The following EXOC6B variants were observed in gnomAD, a reference collection of about 807,000 sequenced individuals.
The protein encoded by EXOC6B is SEC15 homolog B.
Under a neutral mutation model 113.5 loss-of-function variants are expected in EXOC6B, and 54 were observed. The observed-to-expected ratio is 0.48, with a 90% CI of 0.38 to 0.60. The LOEUF (loss-of-function observed/expected upper bound fraction) is 0.60. Among genes scored for constraint, EXOC6B ranks in the 20% least tolerant of loss-of-function variants. The pLI is 0.00. For synonymous variants in EXOC6B, 357 were observed against 339.0 expected (o/e 1.05, Z -0.58); for missense variants, 797 against 977.5 (o/e 0.82, Z 2.46).
intron 16 of EXOC6B, among the ~76,000 whole-genome samples, chr2:72,487,357 G>C (rs1192135984): frequency 6.6e-6 from 1 of 151,414 alleles, no homozygotes; most frequent in Non-Finnish European, 1.5e-5. Context: ...GTTTTGTTTT[G>C]TTTTGTTTTT....
At chr2:72,540,288 T>C (rs1702527201) in intron 8 of EXOC6B, among the ~76,000 whole-genome samples, 1 of 152,114 alleles carries the variant, frequency 6.6e-6, no homozygotes, top group Non-Finnish European at 1.5e-5. Context: ...CAGCATGATT[T>C]ATAGTCCTTT....
chr2:72,342,433 G>A (rs1689083943), intron 19 of EXOC6B, among the ~76,000 whole-genome samples: 1 of 152,046 alleles, frequency 6.6e-6, no homozygotes, highest in South Asian at 2.1e-4. Context: ...ATATGAAATA[G>A]TGCGCAAAAT....
intron 19 of EXOC6B, chr2:72,354,186 A>T (rs1049039281): frequency 1.3e-5 from 2 of 152,216 alleles, no homozygotes; most frequent in Admixed American, 1.3e-4. Flanking sequence ...GCCACTGTCC[A>T]TAGTTAGAGA....
At chr2:72,643,959 G>C (rs1363202865) in intron 6 of EXOC6B, among the ~76,000 whole-genome samples, 1 of 152,058 alleles carries the variant, frequency 6.6e-6, no homozygotes, top group Non-Finnish European at 1.5e-5. Flanking sequence ...TTGACAAGCT[G>C]ACAGAAGTAG....
chr2:72,823,478 ACAAAAAAC>A lies in EXOC6B; in HGVS notation c.113+2312_113+2319del, dbSNP rs781094161. Among the ~76,000 whole-genome samples the A allele has an allele frequency of 1.4e-3, 154 of 107,324 alleles. 17 individuals are homozygous for A. Among genetic ancestry groups the A allele is most frequent in the Middle Eastern group, 5.1e-3 (1 of 198 alleles). 70.4% of individuals were successfully genotyped at this position (107,324 alleles called of 152,430 possible). A position where few individuals can be genotyped will look rare whatever the true frequency, so the allele number is the denominator to read the frequency against. ...TTTTAAGAAAAAAAAAAAAAAAAAA[ACAAAAAAC>A]AAAAAAAAAGACAGTGGCCAGGCAC... On this transcript the variant is annotated intron_variant, in intron 1 of 21. Coordinates refer to ENST00000272427, the MANE Select transcript of EXOC6B (RefSeq NM_015189.3).
At chr2:72,788,413 T>C (rs1173887317) in intron 1 of EXOC6B, among the ~76,000 whole-genome samples, 2 of 152,080 alleles carry the variant, frequency 1.3e-5, no homozygotes, top group Non-Finnish European at 2.9e-5. Flanking sequence ...GAAAGTGGGG[T>C]TCTTTTTTTG....
intron 3 of EXOC6B, among the ~76,000 whole-genome samples, chr2:72,731,979 T>C (rs1680667749): frequency 6.6e-6 from 1 of 152,206 alleles, no homozygotes; most frequent in Non-Finnish European, 1.5e-5. Flanking sequence ...CCAATAACTA[T>C]GTAAAATACA....
At chr2:72,373,691 T>C (rs1353107232) in intron 19 of EXOC6B, among the ~76,000 whole-genome samples, 1 of 152,098 alleles carries the variant, frequency 6.6e-6, no homozygotes, top group Non-Finnish European at 1.5e-5. Context: ...ATTAGAGAAA[T>C]GTAAATCAAA....
chr2:72,370,072 G>C (rs1216761566), intron 19 of EXOC6B, among the ~76,000 whole-genome samples: 1 of 152,108 alleles, frequency 6.6e-6, no homozygotes, highest in Non-Finnish European at 1.5e-5. Context: ...GAGTGAACAG[G>C]CAACCTACAG....
At chr2:72,571,760 C>T (rs1312497723) in intron 7 of EXOC6B, among the ~76,000 whole-genome samples, 2 of 152,122 alleles carry the variant, frequency 1.3e-5, no homozygotes, top group Non-Finnish European at 2.9e-5. Flanking sequence ...TTAAGCTTTT[C>T]CCATTTCTAG....
intron 18 of EXOC6B, among the ~76,000 whole-genome samples, chr2:72,422,291 G>A (rs1168789831): frequency 6.6e-6 from 1 of 152,240 alleles, no homozygotes; most frequent in African/African-American, 2.4e-5. Flanking sequence ...CTGGGCTCCT[G>A]AGTCTGGTGG....
At position 72,731,219 on chromosome 2, in the gene EXOC6B, C is replaced by G; in HGVS notation, c.354G>C (p.Lys118Asn). 6.2e-7 allele frequency: 1 copy of G among 1,613,276 alleles called. No homozygotes were observed. The highest frequency in any genetic ancestry group is 8.5e-7 in the Non-Finnish European group (1 of 1,179,598). The change falls in exon 4 of 22, where the codon AAG becomes AAC. Residue 118 changes from lysine (K) to asparagine (N), a missense_variant. Lys to Asn is a moderately conservative substitution (Grantham distance 94, BLOSUM62 0). Transcript: ENST00000272427. ...TATTTCTCTGTTGTAGTCGACACTGCTTCAGCTCTTCCATTGCTATTACCA... is the reference window on the plus strand; with the variant it reads ...TATTTCTCTGTTGTAGTCGACACTGGTTCAGCTCTTCCATTGCTATTACCA... ...KELVIAMEEL[K>N]QCRLQQRNIS...
intron 19 of EXOC6B, among the ~76,000 whole-genome samples, chr2:72,360,852 AC>A (rs771419801): frequency 2.6e-4 from 39 of 148,772 alleles, no homozygotes; most frequent in Admixed American, 1.2e-3. Context: ...AATGGCGTGA[AC>A]CCGGGAGGCA....
At chr2:72,393,339 C>T (rs544822659) in intron 18 of EXOC6B, among the ~76,000 whole-genome samples, 1 of 152,108 alleles carries the variant, frequency 6.6e-6, no homozygotes, top group East Asian at 1.9e-4. Flanking sequence ...CGTGATCCAC[C>T]CACCTTGGCC....
chr2:72,685,664 T>C (rs1012351411), intron 6 of EXOC6B, among the ~76,000 whole-genome samples: 2 of 152,166 alleles, frequency 1.3e-5, no homozygotes, highest in Non-Finnish European at 2.9e-5. Flanking sequence ...CAACCAGAAG[T>C]ACCTTCTAAC....
chr2:72,325,664 A>G (rs149998297), intron 20 of EXOC6B, among the ~76,000 whole-genome samples: 32 of 151,950 alleles, frequency 2.1e-4, no homozygotes, highest in African/African-American at 7.2e-4. Context: ...CGAGGGAAGA[A>G]CCCTCAAAGA....
chr2:72,540,254 A>T (rs1354022792), intron 8 of EXOC6B, among the ~76,000 whole-genome samples: 1 of 151,970 alleles, frequency 6.6e-6, no homozygotes, highest in African/African-American at 2.4e-5. Flanking sequence ...CGCAATAAAC[A>T]TACGTGTGCA....
chr2:72,270,348 A>T (rs1021761931), intron 20 of EXOC6B, among the ~76,000 whole-genome samples: 1 of 152,170 alleles, frequency 6.6e-6, no homozygotes, highest in East Asian at 1.9e-4. Flanking sequence ...AAGCGTCCCA[A>T]ACAAAGGCTG....
At chr2:72,622,008 T>A (rs986587299) in intron 6 of EXOC6B, among the ~76,000 whole-genome samples, 2 of 151,770 alleles carry the variant, frequency 1.3e-5, no homozygotes, top group Admixed American at 6.6e-5. Context: ...AAGATGTCCA[T>A]GCCACAATAA....
Sources: allele counts gnomAD v4.1 joint callset (sites outside exome capture counted in the v4.1 genomes callset), GRCh38; gene constraint gnomAD v4.1.1; transcripts MANE v1.5; gene names NCBI Gene and HGNC (gene_info 2026-07-23, HGNC 2026-07-21).